Variants in TYK2 observed in about 807,000 individuals in gnomAD.
The protein encoded by TYK2 is tyrosine kinase 2, also known as non-receptor tyrosine-protein kinase TYK2.
A neutral mutation model predicts 130.9 loss-of-function variants in TYK2; 65 were observed. The observed-to-expected ratio is 0.50, with a 90% CI of 0.41 to 0.61. The LOEUF is 0.61. TYK2 is among the 20% of genes least tolerant of loss of function. The probability of loss-of-function intolerance (pLI) is 0.00; values close to 1 mark genes in which losing one functional copy is unlikely to be tolerated. For missense variants in TYK2, 1,378 were observed against 1,610.7 expected, an observed-to-expected ratio of 0.86 and a Z score of 2.47; for synonymous variants, 647 against 658.9, an observed-to-expected ratio of 0.98 and a Z score of 0.28.
chr19:10,373,058 A>C (rs1311358122), intron 3 of TYK2, among the ~76,000 whole-genome samples: 3 of 141,128 alleles, frequency 2.1e-5, no homozygotes, highest in Admixed American at 7.2e-5. Flanking sequence ...TTTTTTGGAT[A>C]GAGTTTTTGC....
intron 9 of TYK2, among the ~76,000 whole-genome samples, chr19:10,363,189 T>TA (rs1568335787): frequency 8.5e-6 from 1 of 117,972 alleles, no homozygotes; most frequent in Non-Finnish European, 1.8e-5. Context: ...TGATCTCTCT[T>TA]TTTTTTTTTT....
Position 10,364,556 on chromosome 19 carries a change from TCA to T in TYK2, c.1367+56_1367+57del. 1 of 1,597,082 alleles carries T rather than the reference TCA, an allele frequency of 6.3e-7. No individual in the cohort carries two copies. Among genetic ancestry groups the T allele is most frequent in the Non-Finnish European group, 8.6e-7 (1 of 1,166,706 alleles). ...ACACACCCTGCACAGCCCCTAGGGC[TCA>T]CAGTCTAGTTGGCACCCTTGGCGGT... On this transcript the variant is annotated intron_variant, in intron 9 of 24. Coordinates refer to ENST00000525621, the MANE Select transcript of TYK2 (RefSeq NM_003331.5). This position sits in a 1 kb window ranked among gnomAD's most constrained non-coding sequence, Gnocchi z 4.9.
chr19:10,351,369 C>T (rs1299065449), intron 23 of TYK2: 3 of 459,480 alleles, frequency 6.5e-6, no homozygotes, highest in East Asian at 9.0e-5. Context: ...CGCCCGTAAT[C>T]CCAGCTACTT....
rs991723953 is a variant in TYK2, at chr19:10,364,314, T to C, written c.1367+300A>G. Among the ~76,000 whole-genome samples, 10 of 151,972 alleles carry C rather than the reference T, an allele frequency of 6.6e-5. No individual in the cohort carries two copies. Among genetic ancestry groups the C allele is most frequent in the African/African-American group, 2.4e-4 (10 of 41,370 alleles). ...TCACCTGAGGTCAGGAGTTCAAGAC[T>C]AGGTTGGCCAATCTGATGAAACCCC... On this transcript the variant is annotated intron_variant, in intron 9 of 24. Transcript: ENST00000525621. This position sits in a 1 kb window ranked among gnomAD's most constrained non-coding sequence, Gnocchi z 4.9.
intron 9 of TYK2, among the ~76,000 whole-genome samples, chr19:10,363,509 G>A (rs1451098773): frequency 6.6e-6 from 1 of 152,016 alleles, no homozygotes. Context: ...GACGCCAGAC[G>A]GGCCCTGACA....
chr19:10,354,876 C>A (rs554845892), intron 18 of TYK2, among the ~76,000 whole-genome samples: 7 of 151,082 alleles, frequency 4.6e-5, no homozygotes, highest in African/African-American at 1.7e-4. Context: ...ATGGTGAAAC[C>A]CCCTCTCTAC....
chr19:10,373,941 C>T (rs1164953599), intron 3 of TYK2, among the ~76,000 whole-genome samples: 2 of 152,100 alleles, frequency 1.3e-5, no homozygotes, highest in Non-Finnish European at 2.9e-5. Flanking sequence ...GCGTGTTTCA[C>T]ATCACCCGCA....
intron 3 of TYK2, among the ~76,000 whole-genome samples, chr19:10,373,814 A>C (rs902311582): frequency 1.3e-5 from 2 of 151,934 alleles, no homozygotes; most frequent in African/African-American, 4.8e-5. Context: ...CCCAATTTCA[A>C]TTGTTACTTC....
At chr19:10,360,403 G>A (rs1043420925) in intron 14 of TYK2, among the ~76,000 whole-genome samples, 2 of 151,646 alleles carry the variant, frequency 1.3e-5, no homozygotes, top group South Asian at 2.1e-4. Flanking sequence ...AGGCTGAGGC[G>A]GAAGGATCGC....
intron 14 of TYK2, among the ~76,000 whole-genome samples, chr19:10,360,543 A>AT (rs1169612714): frequency 1.3e-5 from 2 of 151,644 alleles, no homozygotes; most frequent in Admixed American, 6.6e-5. Context: ...GCAACTAGGG[A>AT]TGGGGGGGAT....
chr19:10,372,484 A>ATATTTTTTTTTTT (rs1390400916), intron 3 of TYK2, among the ~76,000 whole-genome samples: 1 of 37,424 alleles, frequency 2.7e-5, no homozygotes, highest in African/African-American at 1.3e-4. Flanking sequence ...ATATATATAT[A>ATATTTTTTTTTTT]TTTTTTTTTT....
intron 14 of TYK2, among the ~76,000 whole-genome samples, chr19:10,359,616 C>T (rs1364500483): frequency 1.3e-5 from 2 of 151,764 alleles, no homozygotes; most frequent in African/African-American, 4.8e-5. Flanking sequence ...GAGGCTGAGG[C>T]AGGTGGATCA....
Position 10,368,227 on chromosome 19 carries a change from G to A in TYK2, c.318-25C>T, listed in dbSNP as rs767145784. 5 of 1,614,076 alleles carry A rather than the reference G, an allele frequency of 3.1e-6. No homozygotes were observed. In the Admixed American group the frequency reaches 6.7e-5, roughly 22 times the overall value. Reference sequence around the variant, plus strand: ...CCTGCAGGAAGGAGGGACGCAGCTGGGGCTTAGCACAGAGTCAGACCAGCT... The same window carrying A: ...CCTGCAGGAAGGAGGGACGCAGCTGAGGCTTAGCACAGAGTCAGACCAGCT... On this transcript the variant is annotated intron_variant, in intron 4 of 24. Transcript: ENST00000525621.
chr19:10,379,356 A>G (rs868757347), intron 2 of TYK2, among the ~76,000 whole-genome samples: 12 of 150,082 alleles, frequency 8.0e-5, no homozygotes, highest in South Asian at 2.1e-4. Flanking sequence ...AAATAAATAA[A>G]TAAGTAATAA....
In TYK2 at chr19:10,358,018, C is replaced by G; in HGVS notation, c.2296G>C (p.Ala766Pro). 6.2e-7 allele frequency: 1 copy of G among 1,613,484 alleles called. No homozygotes were observed. Among genetic ancestry groups the G allele is most frequent in the Non-Finnish European group, 8.5e-7 (1 of 1,180,018 alleles). ...KLSDPGVGLG[A>P]LSREERVERI... ...AGGTACTCACCCTCCCTGGAGAGGG[C>G]GCCCAGGCCCACGCCAGGATCACTC... is the stretch of plus-strand genomic sequence containing the variant. The change falls in exon 16 of 25, where the codon GCC becomes CCC. Residue 766 changes from alanine (A) to proline (P), a missense_variant. Physicochemically the swap from Ala to Pro is conservative, Grantham distance 27 (BLOSUM62 -1). Coordinates refer to ENST00000525621, the MANE Select transcript of TYK2 (RefSeq NM_003331.5).
intron 24 of TYK2, 31 bp from the exon 25 acceptor site, chr19:10,350,999 T>A: frequency 6.2e-7 from 1 of 1,614,104 alleles, no homozygotes; most frequent in South Asian, 1.1e-5. Context: ...TGGTGGGGGC[T>A]GCCCTCTCCA....
chr19:10,363,582 A>G (rs1280960941), intron 9 of TYK2, among the ~76,000 whole-genome samples: 4 of 152,146 alleles, frequency 2.6e-5, no homozygotes, highest in Admixed American at 6.5e-5. Context: ...ACACCCAGCC[A>G]TGACCATCGC....
At chr19:10,352,788 G>T in intron 22 of TYK2, 138 bp downstream of exon 22, 1 of 1,181,008 alleles carries the variant, frequency 8.5e-7, no homozygotes, top group South Asian at 1.6e-5. Context: ...TGCCTCCATA[G>T]GCCCCACCCC....
At chr19:10,377,082 T>C (rs1270720309) in intron 3 of TYK2, among the ~76,000 whole-genome samples, 1 of 152,086 alleles carries the variant, frequency 6.6e-6, no homozygotes, top group Non-Finnish European at 1.5e-5. Context: ...CTAAAAATTA[T>C]TTTGTTGAGA....
Sources: gnomAD v4.1 joint callset for allele counts (sites outside exome capture counted in the v4.1 genomes callset) on GRCh38, gnomAD v4.1.1 for gene constraint, Gnocchi (gnomAD v3.1) non-coding constraint, MANE v1.5 for transcripts, NCBI Gene and HGNC (gene_info 2026-07-23, HGNC 2026-07-21) for gene names.